The following CARD10 variants were observed in gnomAD, a reference collection of about 807,000 sequenced individuals.
CARD10 encodes caspase recruitment domain-containing protein 10.
CARD10 carries 49 observed loss-of-function variants against 114.6 expected under a neutral mutation model. That is an observed-to-expected ratio of 0.43 (90% CI 0.34 to 0.54). The LOEUF (loss-of-function observed/expected upper bound fraction) is 0.54. Ranked by LOEUF, CARD10 falls within the 20% of genes least tolerant of loss-of-function variation. The pLI is 0.03. For missense variants in CARD10, 1,206 were observed against 1,397.2 expected, an observed-to-expected ratio of 0.86 and a Z score of 2.18; for synonymous variants, 602 against 593.2, an observed-to-expected ratio of 1.01 and a Z score of -0.21.
Position 37,492,130 on chromosome 22 carries a change from A to AC in CARD10, c.2752-264dup, listed in dbSNP as rs780473661. 1.7e-3 allele frequency among the ~76,000 whole-genome samples: 255 copies of AC among 148,548 alleles called. 2 individuals are homozygous for AC. The highest frequency in any genetic ancestry group is 2.8e-3 in the Non-Finnish European group (187 of 67,208). ...TGGAGCTGACCCAAACCCACCCACC[A>AC]CCCGCCACCTTATAGCCGACTGCCA... On this transcript the variant is annotated intron_variant, in intron 18 of 19. Coordinates refer to ENST00000251973, the MANE Select transcript of CARD10 (RefSeq NM_014550.4). The surrounding 1 kb of genome is among the most constrained non-coding windows in gnomAD (Gnocchi z 5.7).
chr22:37,515,639 TTAGGCTAGG>T (rs1483545491), intron 3 of CARD10, among the ~76,000 whole-genome samples: 3 of 151,884 alleles, frequency 2.0e-5, no homozygotes, highest in African/African-American at 7.3e-5. Flanking sequence ...TACCGATGTT[TTAGGCTAGG>T]TAATTCTTTG....
rs1923037115 is a variant in CARD10 at position 37,497,181 on chromosome 22, G to A, written c.1788-3C>T. On this transcript the variant is annotated splice_region_variant and splice_polypyrimidine_tract_variant and intron_variant, in intron 11 of 19. Coordinates refer to ENST00000251973, the MANE Select transcript of CARD10 (RefSeq NM_014550.4). ...CAGACACCCGAATAGCCAGAGACCT[G>A]AGAAGGGAGAAAGGAGATGAGAATT... 1.2e-6 allele frequency: 2 copies of A among 1,610,056 alleles called. No individual in the cohort carries two copies. Among genetic ancestry groups the A allele is most frequent in the Non-Finnish European group, 1.7e-6 (2 of 1,178,582 alleles).
At chr22:37,505,692 G>A (rs533862481) in intron 7 of CARD10, among the ~76,000 whole-genome samples, 6 of 151,036 alleles carry the variant, frequency 4.0e-5, no homozygotes. Context: ...TGAGGACCAC[G>A]ATCCAATTTA....
At chr22:37,493,426 G>C (rs1216287331) in intron 16 of CARD10, among the ~76,000 whole-genome samples, 1 of 152,180 alleles carries the variant, frequency 6.6e-6, no homozygotes, top group Non-Finnish European at 1.5e-5. Context: ...GGGATTATCT[G>C]ACTCTCTACC....
rs146267364 is a variant in CARD10 at position 37,495,860 on chromosome 22, C to A, written c.2203G>T (p.Val735Leu). The A allele has an allele frequency of 4.3e-6, 7 of 1,614,042 alleles. No homozygotes were observed. The African/African-American group carries it at 6.7e-5, about 15-fold the overall frequency. The change falls in exon 14 of 20, where the codon GTG (valine) becomes TTG (leucine). Residue 735 changes from valine to leucine, a missense_variant. Transcript: ENST00000251973. ...TGCCTCCGCTTGTATGCCGAGTCCA[C>A]CAGTCGAAGGATCTCTTGGGCTTTC... ...CVKAQEILRL[V>L]DSAYKRRQEW...
At position 37,517,956 on chromosome 22, in the gene CARD10, C is replaced by T. The variant is rs186426160; in HGVS notation, c.373+15G>A. On this transcript the variant is annotated intron_variant, in intron 2 of 19. Coordinates refer to ENST00000251973, the MANE Select transcript of CARD10 (RefSeq NM_014550.4). ...TGGAGTCCGAGGTGCCAGCATCCAC[C>T]GCAGATCCACTCACCGAGGATCATG... 2.2e-5 allele frequency: 35 copies of T among 1,611,264 alleles called. No individual in the cohort carries two copies. The African/African-American group carries it at 2.9e-4, about 14-fold the overall frequency.
intron 4 of CARD10, 144 bp from the exon 5 acceptor site, chr22:37,508,826 G>A: frequency 1.6e-6 from 2 of 1,216,994 alleles, no homozygotes; most frequent in East Asian, 5.1e-5. Context: ...ACCCTCTCTG[G>A]ATCTCTGTCT....
In CARD10 at chr22:37,491,001, A is replaced by C; in HGVS notation, c.*158T>G. On this transcript the variant is annotated 3_prime_UTR_variant, in exon 20 of 20. Coordinates refer to ENST00000251973, the MANE Select transcript of CARD10 (RefSeq NM_014550.4). ...GTCCCGGGACTCCCATAGGCTCGGC[A>C]GGGCCAGAGACAGCCTTGGGGGTGA... 1.6e-6 allele frequency: 1 copy of C among 625,694 alleles called. No homozygotes were observed. Among genetic ancestry groups the C allele is most frequent in the Admixed American group, 2.9e-5 (1 of 34,436 alleles). 38.8% of individuals were successfully genotyped at this position (625,694 alleles called of 1,614,324 possible).
chr22:37,505,949 T>C (rs984094798), intron 7 of CARD10, among the ~76,000 whole-genome samples: 28 of 152,112 alleles, frequency 1.8e-4, no homozygotes, highest in African/African-American at 6.0e-4. Flanking sequence ...CTATTCTTAG[T>C]GTCCCAGAAG....
rs1215199179 is a variant in CARD10 at position 37,501,120 on chromosome 22, T to C, written c.1787+1482A>G. Among the ~76,000 whole-genome samples, 1 of 152,058 alleles carries C rather than the reference T, an allele frequency of 6.6e-6. No homozygotes were observed. The highest frequency in any genetic ancestry group is 1.5e-5 in the Non-Finnish European group (1 of 67,994). On this transcript the variant is annotated intron_variant, in intron 11 of 19. Transcript: ENST00000251973. This position sits in a 1 kb window ranked among gnomAD's most constrained non-coding sequence, Gnocchi z 5.4. ...CCCTCATCTCCCTCTCCCTCTCCTC[T>C]CCGCCTGTCTGCCTCTCTCTCTCTC...
rs1473413620 is a variant in CARD10, at chr22:37,494,161, G to A, written c.2401C>T (p.Arg801Trp). ...NLKKRALDQL[R>W]LVRPKPVGAP... ...CCCACGGGCTTGGGCCTCACCAGCC[G>A]CAGCTGGTCCAGGGCTCTCTTCTTC... Residue 801 changes from arginine (R) to tryptophan (W), a missense_variant, in exon 16 of 20, where the codon CGG becomes TGG. By Grantham distance (101) the Arg-to-Trp change is moderately radical. Transcript: ENST00000251973. 7.7e-6 allele frequency: 12 copies of A among 1,556,356 alleles called. No individual in the cohort carries two copies. In the Admixed American group the frequency reaches 7.7e-5, roughly 10 times the overall value.
chr22:37,491,755 C>CA lies in CARD10; in HGVS notation c.2863_2864insT (p.Arg955MetfsTer39). The CA allele has an allele frequency of 6.4e-7, 1 of 1,552,392 alleles. No homozygotes were observed. The highest frequency in any genetic ancestry group is 1.4e-5 in the African/African-American group (1 of 72,696). Reference sequence around the variant, plus strand: ...CCACTGCCCCACCCACCCACCTCACCTGACTTCCCGGACATTCTTCTCAGT... The same window carrying CA: ...CCACTGCCCCACCCACCCACCTCACCATGACTTCCCGGACATTCTTCTCAGT... On this transcript the variant is annotated frameshift_variant and splice_region_variant, in exon 19 of 20. Transcript: ENST00000251973. LOFTEE classifies it high-confidence loss of function.
In CARD10 at chr22:37,504,638, G is replaced by A. The variant is rs779314332; in HGVS notation, c.1515C>T (p.Asn505=). ...TGGGATGGGGCAGTTGTCTTACCGAGTTGTGAGGCTCAGGTCCCCCCATGA... is the reference window on the plus strand; with the variant it reads ...TGGGATGGGGCAGTTGTCTTACCGAATTGTGAGGCTCAGGTCCCCCCATGA... ...AAVMGGPEPH[N]SEEATDSEKE... is the part of the protein sequence containing the mutation. The change falls in exon 8 of 20, where the codon AAC becomes AAT. Residue 505 remains asparagine, a synonymous_variant. Coordinates refer to ENST00000251973, the MANE Select transcript of CARD10 (RefSeq NM_014550.4). 2 of 1,491,956 alleles carry A rather than the reference G, an allele frequency of 1.3e-6. No individual in the cohort carries two copies. The highest frequency in any genetic ancestry group is 1.8e-6 in the Non-Finnish European group (2 of 1,122,032). 92.4% of individuals were successfully genotyped at this position (1,491,956 alleles called of 1,614,324 possible).
At chr22:37,503,382 C>T (rs185437085) in intron 9 of CARD10, among the ~76,000 whole-genome samples, 169 bp from the exon 10 acceptor site, 1 of 152,300 alleles carries the variant, frequency 6.6e-6, no homozygotes, top group Admixed American at 6.5e-5. Context: ...CACCTGGCTC[C>T]CCTAAACTCC....
chr22:37,508,570 G>C lies in CARD10; in HGVS notation c.1022C>G (p.Ala341Gly), dbSNP rs1193305495. 1 of 1,597,442 alleles carries C rather than the reference G, an allele frequency of 6.3e-7. No homozygotes were observed. The highest frequency in any genetic ancestry group is 1.1e-5 in the South Asian group (1 of 89,754). Residue 341 changes from alanine (A) to glycine (G), a missense_variant, in exon 5 of 20, where the codon GCC becomes GGC. Physicochemically the swap from Ala to Gly is moderately conservative, Grantham distance 60. This residue lies in a region of CARD10 where 1,068 missense variants were observed against 1,179.1 expected (regional missense o/e 0.91). Transcript: ENST00000251973. The stretch of plus-strand genomic sequence containing the variant: ...GGCCCACTGCAGCTCCCCCTGCACG[G>C]CATGCAGCTTCTGGCACAGCTCCTG... Reference protein sequence around the residue: ...SRQELCQKLHAVQGELQWAEE... With the variant: ...SRQELCQKLHGVQGELQWAEE...
intron 3 of CARD10, chr22:37,511,979 A>C (rs938581886): frequency 2.6e-5 from 4 of 152,188 alleles, no homozygotes; most frequent in African/African-American, 9.6e-5. Flanking sequence ...CCCTGGCCCC[A>C]TCATTTGCCT....
rs1336219931 is a variant in CARD10, at chr22:37,492,362, G to A, written c.2751+73C>T. On this transcript the variant is annotated intron_variant, in intron 18 of 19. Coordinates refer to ENST00000251973, the MANE Select transcript of CARD10 (RefSeq NM_014550.4). The surrounding 1 kb of genome is among the most constrained non-coding windows in gnomAD (Gnocchi z 5.7). The stretch of plus-strand genomic sequence containing the variant: ...GCATGGCCCGCGCTCAGACGCTGGC[G>A]CTCAAGCCCAGAACAGCAGCACCCG... The A allele has an allele frequency of 6.9e-6, 8 of 1,161,370 alleles. No homozygotes were observed. The highest frequency in any genetic ancestry group is 3.1e-5 in the African/African-American group (2 of 65,220). The allele number at this position is 1,161,370 out of a possible 1,614,324, so 71.9% of individuals were successfully genotyped here.
At chr22:37,498,477 C>A (rs549503147) in intron 11 of CARD10, among the ~76,000 whole-genome samples, 284 of 152,288 alleles carry the variant, frequency 1.9e-3, no homozygotes, top group Non-Finnish European at 3.0e-3. Context: ...GGAGAGGCAG[C>A]GGGGCGAAGC....
intron 2 of CARD10, 149 bp downstream of exon 2, chr22:37,517,822 G>C: frequency 1.0e-6 from 1 of 1,001,274 alleles, no homozygotes; most frequent in Admixed American, 2.9e-5. Context: ...GCCTACCGTG[G>C]GGCCCTGGGC....
Sources: gnomAD v4.1 joint callset for allele counts (sites outside exome capture counted in the v4.1 genomes callset) on GRCh38, gnomAD v4.1.1 for gene constraint, gnomAD v4.1.1 regional missense constraint, Gnocchi (gnomAD v3.1) non-coding constraint, MANE v1.5 for transcripts, NCBI Gene and HGNC (gene_info 2026-07-23, HGNC 2026-07-21) for gene names.